AKAP19: variants seen among roughly 807,000 people sequenced by gnomAD.
AKAP19 encodes the protein A-kinase anchoring protein 19, also known as small A-kinase anchoring protein.
At chr2:190,009,272 G>A in the AKAP19 span, among the ~76,000 whole-genome samples, 12 of 152,170 alleles carry the variant, frequency 7.9e-5, no homozygotes, top group Non-Finnish European at 1.6e-4. Flanking sequence ...CTCAACTTCT[G>A]TATAGGGAAT....
chr2:189,971,709 T>C, the AKAP19 span, among the ~76,000 whole-genome samples: 76 of 152,356 alleles, frequency 5.0e-4, no homozygotes, highest in Non-Finnish European at 8.4e-4. Flanking sequence ...CATTGCGGTT[T>C]TGATTTGCAT....
the AKAP19 span, among the ~76,000 whole-genome samples, chr2:190,124,351 G>A: frequency 6.6e-6 from 1 of 152,152 alleles, no homozygotes; most frequent in Non-Finnish European, 1.5e-5. Flanking sequence ...TAGGCTATAT[G>A]GTATAGCCTA....
chr2:190,157,396 A>ACAC, the AKAP19 span, among the ~76,000 whole-genome samples: 1 of 151,768 alleles, frequency 6.6e-6, no homozygotes, highest in Non-Finnish European at 1.5e-5. Flanking sequence ...ACACACACAT[A>ACAC]TCACAGGATG....
the AKAP19 span, among the ~76,000 whole-genome samples, chr2:190,012,339 C>A: frequency 1.1e-4 from 17 of 152,074 alleles, no homozygotes; most frequent in Admixed American, 2.0e-4. Flanking sequence ...TATTTTACCT[C>A]CTTGGTTAAA....
the AKAP19 span, among the ~76,000 whole-genome samples, chr2:190,068,372 C>G: frequency 6.6e-6 from 1 of 152,166 alleles, no homozygotes; most frequent in Non-Finnish European, 1.5e-5. Context: ...CTCTGTCACC[C>G]AGGCTGCAGT....
the AKAP19 span, among the ~76,000 whole-genome samples, chr2:190,171,056 G>A: frequency 2.0e-5 from 3 of 152,118 alleles, no homozygotes; most frequent in Non-Finnish European, 4.4e-5. Context: ...TTTAAATTGA[G>A]ATGGTAATTT....
the AKAP19 span, chr2:189,930,547 G>A: frequency 1.7e-4 from 36 of 214,976 alleles, no homozygotes; most frequent in African/African-American, 8.0e-4. Flanking sequence ...GTGGTGGCGC[G>A]CCCCTGTAGT....
At chr2:190,126,772 A>T in the AKAP19 span, among the ~76,000 whole-genome samples, 3 of 152,184 alleles carry the variant, frequency 2.0e-5, no homozygotes, top group Non-Finnish European at 4.4e-5. Context: ...AAAAGTAAAA[A>T]AAAAACAAAG....
At chr2:189,893,774 G>GA in the AKAP19 span, among the ~76,000 whole-genome samples, 2 of 151,764 alleles carry the variant, frequency 1.3e-5, no homozygotes, top group African/African-American at 4.8e-5. Flanking sequence ...AACATTTGGG[G>GA]AAAAAAAGGC....
At chr2:189,980,152 A>G in the AKAP19 span, among the ~76,000 whole-genome samples, 1 of 152,144 alleles carries the variant, frequency 6.6e-6, no homozygotes, top group Non-Finnish European at 1.5e-5. Flanking sequence ...GCAGTCATGG[A>G]ATCAACCTAA....
the AKAP19 span, among the ~76,000 whole-genome samples, chr2:189,943,446 C>A: frequency 6.6e-6 from 1 of 152,214 alleles, no homozygotes; most frequent in African/African-American, 2.4e-5. Context: ...GTATGAGAAA[C>A]CCTGGGTGTC....
the AKAP19 span, among the ~76,000 whole-genome samples, chr2:190,158,935 A>G: frequency 6.6e-6 from 1 of 152,200 alleles, no homozygotes; most frequent in Non-Finnish European, 1.5e-5. Context: ...GGATTCCTGT[A>G]GGGCCTGGAG....
the AKAP19 span, among the ~76,000 whole-genome samples, chr2:189,989,979 C>T: frequency 6.6e-6 from 1 of 152,192 alleles, no homozygotes; most frequent in Non-Finnish European, 1.5e-5. Flanking sequence ...AAAATCCTAG[C>T]AGGCTTTTCC....
chr2:189,912,338 C>A, the AKAP19 span, among the ~76,000 whole-genome samples: 1 of 151,960 alleles, frequency 6.6e-6, no homozygotes, highest in African/African-American at 2.4e-5. Context: ...GCCAGGAGTT[C>A]GAGACCAGCC....
chr2:190,126,744 G>A, the AKAP19 span, among the ~76,000 whole-genome samples: 1 of 152,012 alleles, frequency 6.6e-6, no homozygotes, highest in Non-Finnish European at 1.5e-5. Context: ...GATTTGGGGA[G>A]GGGCAAGAGT....
the AKAP19 span, among the ~76,000 whole-genome samples, chr2:189,990,218 G>A: frequency 1.6e-4 from 25 of 152,076 alleles, no homozygotes; most frequent in African/African-American, 3.6e-4. Flanking sequence ...TTTGATTTTA[G>A]GATGAAAGCA....
At chr2:190,193,671 T>C in the AKAP19 span, among the ~76,000 whole-genome samples, 1 of 152,314 alleles carries the variant, frequency 6.6e-6, no homozygotes, top group East Asian at 1.9e-4. Flanking sequence ...TAAACGTATA[T>C]AGATGTCATA....
chr2:190,014,212 C>T, the AKAP19 span, among the ~76,000 whole-genome samples: 1 of 152,112 alleles, frequency 6.6e-6, no homozygotes, highest in Admixed American at 6.6e-5. Context: ...TGTCACATTG[C>T]TGTAAAAAAT....
chr2:190,036,144 T>G, the AKAP19 span, among the ~76,000 whole-genome samples: 1 of 152,340 alleles, frequency 6.6e-6, no homozygotes, highest in Non-Finnish European at 1.5e-5. Flanking sequence ...TTAAAGTACT[T>G]GGTGATTTTT....
Sources: gnomAD v4.1 joint callset for allele counts (sites outside exome capture counted in the v4.1 genomes callset) on GRCh38, gnomAD v4.1.1 for gene constraint, MANE v1.5 for transcripts, NCBI Gene and HGNC (gene_info 2026-07-23, HGNC 2026-07-21) for gene names.